The following MRC1 variants were observed in gnomAD, a reference collection of about 807,000 sequenced individuals.
MRC1 encodes the protein macrophage mannose receptor 1.
MRC1 carries 62 observed loss-of-function variants against 102.9 expected under a neutral mutation model. The observed-to-expected ratio is 0.60, with a 90% CI of 0.49 to 0.74. The LOEUF is 0.74. Ranked by LOEUF, MRC1 falls within the 30% of genes least tolerant of loss-of-function variation. MRC1 has a pLI of 0.00. For missense variants in MRC1, 1,237 were observed against 862.8 expected (o/e 1.43, Z -5.43); for synonymous variants, 457 against 298.4 (o/e 1.53, Z -5.48).
Position 17,870,714 on chromosome 10 carries a change from G to T in MRC1, c.2112-134G>T, listed in dbSNP as rs1431143262. 6 of 768,586 alleles carry T rather than the reference G, an allele frequency of 7.8e-6. No individual in the cohort carries two copies. The African/African-American group carries it at 1.0e-4, about 13-fold the overall frequency. 47.6% of individuals were successfully genotyped at this position (768,586 alleles called of 1,614,324 possible). On this transcript the variant is annotated intron_variant, in intron 13 of 29. Coordinates refer to ENST00000569591, the MANE Select transcript of MRC1 (RefSeq NM_002438.4). ...ATCTATTGCATAAGTCTTCTATTTAGCTGTTAAATCTCTTTACTTGTGTAC... is the reference window on the plus strand; with the variant it reads ...ATCTATTGCATAAGTCTTCTATTTATCTGTTAAATCTCTTTACTTGTGTAC...
At chr10:17,899,755 T>G (rs1028449450) in intron 24 of MRC1, among the ~76,000 whole-genome samples, 3 of 152,180 alleles carry the variant, frequency 2.0e-5, no homozygotes, top group African/African-American at 4.8e-5. Context: ...TTGATGTTTA[T>G]CAATATTTTG....
intron 2 of MRC1, among the ~76,000 whole-genome samples, chr10:17,825,007 T>C (rs1475157472): frequency 6.6e-6 from 1 of 152,116 alleles, no homozygotes; most frequent in African/African-American, 2.4e-5. Context: ...CCCAGGAATC[T>C]ATTCAATGAT....
At chr10:17,862,384 A>G (rs918822761) in intron 10 of MRC1, among the ~76,000 whole-genome samples, 1 of 152,194 alleles carries the variant, frequency 6.6e-6, no homozygotes, top group Admixed American at 6.5e-5. Context: ...GAACGTAGGT[A>G]CTTTTTATCT....
intron 7 of MRC1, among the ~76,000 whole-genome samples, chr10:17,851,455 C>T (rs1402915979): frequency 1.3e-5 from 2 of 152,116 alleles, no homozygotes; most frequent in East Asian, 1.9e-4. Context: ...ACATTAAGAC[C>T]TATACACGTA....
intron 4 of MRC1, among the ~76,000 whole-genome samples, chr10:17,837,192 G>T (rs1315779682): frequency 6.6e-6 from 1 of 152,186 alleles, no homozygotes; most frequent in African/African-American, 2.4e-5. Flanking sequence ...TCCAGAGGCT[G>T]GGTTCACCTC....
chr10:17,878,528 T>G (rs1833468440), intron 18 of MRC1, among the ~76,000 whole-genome samples: 1 of 152,210 alleles, frequency 6.6e-6, no homozygotes, highest in African/African-American at 2.4e-5. Context: ...TTCTTGTACC[T>G]TAATACATAT....
chr10:17,831,847 A>T (rs1260233656), intron 3 of MRC1, among the ~76,000 whole-genome samples: 1 of 151,668 alleles, frequency 6.6e-6, no homozygotes, highest in Non-Finnish European at 1.5e-5. Context: ...ACTATCAATA[A>T]TATTTATTTG....
In MRC1 at chr10:17,894,269, T is replaced by C. The variant is rs1430623864; in HGVS notation, c.3207T>C (p.Asp1069=). The C allele has an allele frequency of 1.1e-6, 1 of 872,478 alleles. No individual in the cohort carries two copies. Among genetic ancestry groups the C allele is most frequent in the Non-Finnish European group, 2.0e-6 (1 of 501,510 alleles). 54.0% of individuals were successfully genotyped at this position (872,478 alleles called of 1,614,324 possible). ...ASNEAGKWMD[D]TCDSKRGYIC... is the part of the protein sequence containing the mutation. ...ATGAAGCAGGAAAATGGATGGATGA[T>C]ACCTGCGACAGTAAACGAGGCTACA... The change falls in exon 23 of 30, where the codon GAT becomes GAC. Residue 1069 remains aspartate, a synonymous_variant. Transcript: ENST00000569591.
intron 8 of MRC1, chr10:17,854,722 C>A: frequency 4.4e-6 from 1 of 225,884 alleles, no homozygotes; most frequent in Non-Finnish European, 8.9e-6. Context: ...GAGTTTTGCT[C>A]TTGCTGCCCA....
intron 21 of MRC1, among the ~76,000 whole-genome samples, chr10:17,883,843 GA>G (rs1393643944): frequency 6.6e-6 from 1 of 152,190 alleles, no homozygotes; most frequent in African/African-American, 2.4e-5. Context: ...GAGGGAAGGG[GA>G]GGGGCACATG....
chr10:17,866,749 C>G lies in MRC1; in HGVS notation c.1971C>G (p.Ser657Arg). 1.3e-6 allele frequency: 1 copy of G among 780,832 alleles called. No homozygotes were observed. The highest frequency in any genetic ancestry group is 1.7e-5 in the African/African-American group (1 of 59,248). 48.4% of individuals were successfully genotyped at this position (780,832 alleles called of 1,614,324 possible). The change falls in exon 12 of 30, where the codon AGC (serine) becomes AGG (arginine). Residue 657 changes from serine (S) to arginine (R), a missense_variant. Physicochemically the swap from Ser to Arg is moderately radical, Grantham distance 110 (BLOSUM62 -1). Coordinates refer to ENST00000569591, the MANE Select transcript of MRC1 (RefSeq NM_002438.4). ...PEDWGASSRT[S>R]LCFKLYAKGK... ...ATTGGGGCGCCAGCAGTAGAACAAG[C>G]TTGTGTTTCAAGGTGAGTATCAGTT...
chr10:17,871,449 T>G (rs1833353397), intron 14 of MRC1, among the ~76,000 whole-genome samples: 1 of 152,204 alleles, frequency 6.6e-6, no homozygotes, highest in Non-Finnish European at 1.5e-5. Flanking sequence ...GAAAACTCCA[T>G]AGAGGACCTA....
At position 17,811,064 on chromosome 10, in the gene MRC1, A is replaced by T. The variant is rs1013211878; in HGVS notation, c.61+1538A>T. On this transcript the variant is annotated intron_variant, in intron 1 of 29. Coordinates refer to ENST00000569591, the MANE Select transcript of MRC1 (RefSeq NM_002438.4). ...CTCCTCAGCCTCCCAAAGTGCTGGG[A>T]TTATAGGCATGAGCCACAGCGCCCA... Among the ~76,000 whole-genome samples the T allele has an allele frequency of 3.9e-5, 6 of 152,202 alleles. No individual in the cohort carries two copies. The East Asian group carries it at 1.2e-3, about 29-fold the overall frequency.
chr10:17,856,558 A>G (rs1589180659), intron 9 of MRC1, among the ~76,000 whole-genome samples: 2 of 152,292 alleles, frequency 1.3e-5, no homozygotes, highest in South Asian at 2.1e-4. Context: ...ACAGAGGTAC[A>G]CAAGGCCGGT....
chr10:17,811,825 G>A (rs2130566953), intron 1 of MRC1, among the ~76,000 whole-genome samples: 1 of 152,138 alleles, frequency 6.6e-6, no homozygotes, highest in Non-Finnish European at 1.5e-5. Flanking sequence ...GGGCTCTGGT[G>A]ATCCTCCCAC....
At chr10:17,853,820 A>T (rs1187358238) in intron 8 of MRC1, among the ~76,000 whole-genome samples, 1 of 152,050 alleles carries the variant, frequency 6.6e-6, no homozygotes, top group African/African-American at 2.4e-5. Flanking sequence ...AATGTTATCA[A>T]ATTTATCTTT....
chr10:17,894,476 T>C (rs1833727037), intron 23 of MRC1, among the ~76,000 whole-genome samples, 164 bp downstream of exon 23: 1 of 141,688 alleles, frequency 7.1e-6, no homozygotes, highest in Admixed American at 7.6e-5. Context: ...CTCAGATCAC[T>C]GCAACTTCCG....
intron 2 of MRC1, among the ~76,000 whole-genome samples, chr10:17,825,239 G>C (rs920709548): frequency 6.6e-6 from 1 of 152,148 alleles, no homozygotes; most frequent in South Asian, 2.1e-4. Context: ...GGGTAGAATG[G>C]TGGAACTTTT....
intron 2 of MRC1, among the ~76,000 whole-genome samples, chr10:17,823,971 A>G (rs1838436514): frequency 6.6e-6 from 1 of 152,160 alleles, no homozygotes. Flanking sequence ...TTACTGATTT[A>G]TTTTGTCAGG....
Sources: gnomAD v4.1 joint callset for allele counts (sites outside exome capture counted in the v4.1 genomes callset) on GRCh38, gnomAD v4.1.1 for gene constraint, MANE v1.5 for transcripts, NCBI Gene and HGNC (gene_info 2026-07-23, HGNC 2026-07-21) for gene names.